KCNJ3: variants seen among roughly 807,000 people sequenced by gnomAD.
KCNJ3 encodes potassium inwardly rectifying channel subfamily J member 3.
Under a neutral mutation model 39.2 loss-of-function variants are expected in KCNJ3, and 4 were observed. The ratio of observed to expected loss-of-function variants is 0.10; its 90% CI spans 0.05 to 0.23. The LOEUF (loss-of-function observed/expected upper bound fraction) is 0.23, where lower values mean the gene tolerates loss of function less well. Among genes scored for constraint, KCNJ3 ranks in the 10% least tolerant of loss-of-function variants. KCNJ3 has a pLI of 1.00. For missense variants in KCNJ3, 276 were observed against 634.9 expected, an observed-to-expected ratio of 0.43 and a Z score of 6.08; for synonymous variants, 230 against 237.4, an observed-to-expected ratio of 0.97 and a Z score of 0.29.
chr2:154,711,866 T>C (rs1382857299), intron 2 of KCNJ3, among the ~76,000 whole-genome samples: 1 of 152,108 alleles, frequency 6.6e-6, no homozygotes, highest in African/African-American at 2.4e-5. Flanking sequence ...TAGATGTTAT[T>C]TTACCATTTT....
chr2:154,824,432 C>A (rs1043464178), intron 2 of KCNJ3, among the ~76,000 whole-genome samples: 1 of 152,014 alleles, frequency 6.6e-6, no homozygotes, highest in Non-Finnish European at 1.5e-5. Flanking sequence ...ATATTCACAC[C>A]AGTCTCCTTA....
At chr2:154,808,414 G>T (rs188078550) in intron 2 of KCNJ3, among the ~76,000 whole-genome samples, 1 of 152,080 alleles carries the variant, frequency 6.6e-6, no homozygotes, top group African/African-American at 2.4e-5. Context: ...GTGTTGAGGT[G>T]GATTACACTC....
chr2:154,726,162 C>A (rs916901601), intron 2 of KCNJ3, among the ~76,000 whole-genome samples: 1 of 151,960 alleles, frequency 6.6e-6, no homozygotes, highest in Non-Finnish European at 1.5e-5. Flanking sequence ...AAATAATCAG[C>A]GGAGTAAACA....
chr2:154,845,630 A>G (rs1300561957), intron 2 of KCNJ3, among the ~76,000 whole-genome samples: 1 of 152,172 alleles, frequency 6.6e-6, no homozygotes, highest in Admixed American at 6.6e-5. Context: ...AAGTTTGATG[A>G]GACTGGGACA....
chr2:154,818,533 A>C (rs545122656), intron 2 of KCNJ3, among the ~76,000 whole-genome samples: 2 of 152,264 alleles, frequency 1.3e-5, no homozygotes, highest in South Asian at 2.1e-4. Context: ...TATCTCAGTT[A>C]TTTCTCAGAA....
At chr2:154,735,026 G>C (rs1685503006) in intron 2 of KCNJ3, among the ~76,000 whole-genome samples, 1 of 151,748 alleles carries the variant, frequency 6.6e-6, no homozygotes, top group Non-Finnish European at 1.5e-5. Context: ...TCAAGTGATA[G>C]TGACGGCTTT....
intron 2 of KCNJ3, among the ~76,000 whole-genome samples, chr2:154,712,763 G>A (rs113483364): frequency 2.6e-4 from 39 of 152,198 alleles, no homozygotes; most frequent in Non-Finnish European, 4.3e-4. Context: ...CCTGGGCGAC[G>A]CAGTGAGACC....
At chr2:154,829,724 TC>T (rs1687330213) in intron 2 of KCNJ3, among the ~76,000 whole-genome samples, 1 of 152,192 alleles carries the variant, frequency 6.6e-6, no homozygotes, top group Non-Finnish European at 1.5e-5. Flanking sequence ...GTATAAGTGT[TC>T]CCTTTGCTCT....
At chr2:154,821,574 G>T (rs1687178169) in intron 2 of KCNJ3, among the ~76,000 whole-genome samples, 1 of 150,682 alleles carries the variant, frequency 6.6e-6, no homozygotes, top group East Asian at 1.9e-4. Context: ...TCAAAAGCTT[G>T]CAGTGACTGA....
chr2:154,718,473 A>C (rs1006197480), intron 2 of KCNJ3, among the ~76,000 whole-genome samples: 1 of 152,196 alleles, frequency 6.6e-6, no homozygotes, highest in African/African-American at 2.4e-5. Flanking sequence ...AGAACATGTG[A>C]AATTCAGTGC....
At chr2:154,790,993 G>A (rs894199237) in intron 2 of KCNJ3, among the ~76,000 whole-genome samples, 31 of 151,980 alleles carry the variant, frequency 2.0e-4, no homozygotes, top group African/African-American at 7.0e-4. Context: ...TCTTATCATC[G>A]CATTTGTCCT....
intron 2 of KCNJ3, among the ~76,000 whole-genome samples, chr2:154,805,451 T>A (rs1442438667): frequency 2.0e-5 from 3 of 151,920 alleles, no homozygotes. Flanking sequence ...TTAAATTTGC[T>A]TTTCTCTCCT....
intron 2 of KCNJ3, among the ~76,000 whole-genome samples, chr2:154,821,143 A>T (rs1163229642): frequency 6.6e-6 from 1 of 152,146 alleles, no homozygotes; most frequent in African/African-American, 2.4e-5. Flanking sequence ...CCCTTTGCAC[A>T]CAATTTCATT....
intron 2 of KCNJ3, among the ~76,000 whole-genome samples, chr2:154,750,148 A>G (rs758121758): frequency 1.3e-5 from 2 of 152,070 alleles, no homozygotes; most frequent in Non-Finnish European, 2.9e-5. Context: ...GAACAATATT[A>G]AAGAATAGAT....
intron 2 of KCNJ3, among the ~76,000 whole-genome samples, chr2:154,747,832 C>T (rs1027644785): frequency 6.6e-6 from 1 of 151,958 alleles, no homozygotes; most frequent in Non-Finnish European, 1.5e-5. Context: ...GAGCTGAATA[C>T]CAGGGACCTT....
intron 2 of KCNJ3, among the ~76,000 whole-genome samples, chr2:154,771,837 A>G (rs1686247334): frequency 6.6e-6 from 1 of 152,186 alleles, no homozygotes; most frequent in Non-Finnish European, 1.5e-5. Flanking sequence ...ACCTCAAGGG[A>G]GGAATTGATA....
intron 2 of KCNJ3, among the ~76,000 whole-genome samples, chr2:154,829,195 T>C (rs1372128182): frequency 1.3e-5 from 2 of 152,174 alleles, no homozygotes; most frequent in African/African-American, 2.4e-5. Flanking sequence ...TAGCATGTCA[T>C]AGGGGTTTAG....
intron 2 of KCNJ3, among the ~76,000 whole-genome samples, chr2:154,711,000 A>G (rs1685094384): frequency 6.6e-6 from 1 of 152,126 alleles, no homozygotes; most frequent in Non-Finnish European, 1.5e-5. Flanking sequence ...ACCACCTCAA[A>G]GCTGCTTGTA....
At chr2:154,733,048 T>C (rs1195253833) in intron 2 of KCNJ3, among the ~76,000 whole-genome samples, 14 of 152,190 alleles carry the variant, frequency 9.2e-5, no homozygotes, top group Non-Finnish European at 1.2e-4. Context: ...GTATACATTT[T>C]GTTTTATAAA....
Sources: allele counts gnomAD v4.1 joint callset (sites outside exome capture counted in the v4.1 genomes callset), GRCh38; gene constraint gnomAD v4.1.1; transcripts MANE v1.5; gene names NCBI Gene and HGNC (gene_info 2026-07-23, HGNC 2026-07-21).